The following AGAP1 variants were observed in gnomAD, a reference collection of about 807,000 sequenced individuals.
The protein encoded by AGAP1 is ArfGAP with GTPase domain, ankyrin repeat and PH domain 1, also known as arf-GAP with GTPase, ANK repeat and PH domain-containing protein 1.
In AGAP1, 29 loss-of-function variants were observed where a neutral mutation model predicts 105.3. The ratio of observed to expected loss-of-function variants is 0.28; its 90% confidence interval spans 0.21 to 0.38. The LOEUF (loss-of-function observed/expected upper bound fraction) is 0.38, where lower values mean the gene tolerates loss of function less well. Among genes scored for constraint, AGAP1 ranks in the 10% least tolerant of loss-of-function variants. The pLI, the probability that AGAP1 is intolerant of heterozygous loss-of-function variation, is 1.00. For synonymous variants in AGAP1, 509 were observed against 485.9 expected (o/e 1.05, Z -0.63); for missense variants, 998 against 1,165.1 (o/e 0.86, Z 2.09).
intron 10 of AGAP1, among the ~76,000 whole-genome samples, chr2:235,907,193 G>T (rs1261182641): frequency 6.6e-6 from 1 of 152,204 alleles, no homozygotes; most frequent in Non-Finnish European, 1.5e-5. Context: ...TCTAGAACTT[G>T]ATCCAACTAT....
chr2:235,800,738 T>C (rs1957458524), intron 8 of AGAP1, among the ~76,000 whole-genome samples: 1 of 151,838 alleles, frequency 6.6e-6, no homozygotes, highest in Admixed American at 6.6e-5. Context: ...AGTATGGGAG[T>C]GGGAAGGTAA....
intron 1 of AGAP1, among the ~76,000 whole-genome samples, chr2:235,604,192 A>T (rs1185566754): frequency 6.6e-6 from 1 of 152,120 alleles, no homozygotes; most frequent in African/African-American, 2.4e-5. Flanking sequence ...CAATTGGCAT[A>T]TATAAAAAGA....
chr2:236,122,132 T>C (rs911511297), intron 17 of AGAP1, among the ~76,000 whole-genome samples: 2 of 152,106 alleles, frequency 1.3e-5, no homozygotes, highest in African/African-American at 4.8e-5. Flanking sequence ...TTAAAAAATT[T>C]TGTAGACTTA....
chr2:235,586,425 G>A lies in AGAP1; in HGVS notation c.163+91576G>A, dbSNP rs1192494634. Among the ~76,000 whole-genome samples the A allele has an allele frequency of 2.0e-5, 3 of 152,158 alleles. No homozygotes were observed. Among genetic ancestry groups the A allele is most frequent in the South Asian group, 2.1e-4 (1 of 4,830 alleles). ...GAGGCTGTGACCTCCCCAAATACTC[G>A]GACTCCCCTGTGGAAGGCAAGGTGG... is the stretch of plus-strand genomic sequence containing the variant. On this transcript the variant is annotated intron_variant, in intron 1 of 17. Coordinates refer to ENST00000304032, the MANE Select transcript of AGAP1 (RefSeq NM_001037131.3). The surrounding 1 kb of genome is among the most constrained non-coding windows in gnomAD (Gnocchi z 4.2).
At chr2:235,541,379 T>C (rs1238272191) in intron 1 of AGAP1, among the ~76,000 whole-genome samples, 1 of 65,836 alleles carries the variant, frequency 1.5e-5, no homozygotes, top group African/African-American at 1.3e-4. Context: ...TCTTATTCTT[T>C]TTTTTTTTTT....
rs1384031791 is a variant in AGAP1 at position 235,723,676 on chromosome 2, C to G, written c.310+6032C>G. Among the ~76,000 whole-genome samples the G allele has an allele frequency of 1.3e-5, 2 of 152,176 alleles. No homozygotes were observed. Among genetic ancestry groups the G allele is most frequent in the African/African-American group, 2.4e-5 (1 of 41,452 alleles). ...CTGAAAGCCAGCACCACGCTGAGAT[C>G]GTGGCACACCTGAGGAGGGCAGAAA... On this transcript the variant is annotated intron_variant, in intron 3 of 17. Transcript: ENST00000304032. This position sits in a 1 kb window ranked among gnomAD's most constrained non-coding sequence, Gnocchi z 6.2.
At chr2:235,544,020 C>T (rs138157117) in intron 1 of AGAP1, among the ~76,000 whole-genome samples, 3 of 152,326 alleles carry the variant, frequency 2.0e-5, no homozygotes, top group African/African-American at 7.2e-5. Context: ...TGCCCCATTC[C>T]TCATGTGCTG....
rs1946048594 is a variant in AGAP1, at chr2:235,609,262, G to A, written c.164-99917G>A. 6.6e-6 allele frequency among the ~76,000 whole-genome samples: 1 copy of A among 152,152 alleles called. No individual in the cohort carries two copies. The highest frequency in any genetic ancestry group is 1.5e-5 in the Non-Finnish European group (1 of 68,034). On this transcript the variant is annotated intron_variant, in intron 1 of 17. Coordinates refer to ENST00000304032, the MANE Select transcript of AGAP1 (RefSeq NM_001037131.3). The surrounding 1 kb of genome is among the most constrained non-coding windows in gnomAD (Gnocchi z 5.1). ...ACAAGCTGTGGGAACATAAGGAAAA[G>A]CAGATGTGGCCACTGGTGCTTGGAA...
chr2:236,074,257 G>C (rs2058579853), intron 16 of AGAP1, among the ~76,000 whole-genome samples: 2 of 151,936 alleles, frequency 1.3e-5, no homozygotes, highest in African/African-American at 2.4e-5. Flanking sequence ...CAAGGGAGAG[G>C]CTAAACAAGA....
Position 236,078,792 on chromosome 2 carries a change from T to C in AGAP1, c.2114+29511T>C, listed in dbSNP as rs1392418302. On this transcript the variant is annotated intron_variant, in intron 16 of 17. Coordinates refer to ENST00000304032, the MANE Select transcript of AGAP1 (RefSeq NM_001037131.3). This position sits in a 1 kb window ranked among gnomAD's most constrained non-coding sequence, Gnocchi z 5.3. ...TCCTAAGCTTGAGCCAGACTGGTCG[T>C]TCTGCCAGGTTGGTTGCCCACCCTC... Among the ~76,000 whole-genome samples the C allele has an allele frequency of 6.6e-6, 1 of 152,130 alleles. No individual in the cohort carries two copies. The highest frequency in any genetic ancestry group is 1.5e-5 in the Non-Finnish European group (1 of 68,014).
In AGAP1 at chr2:235,970,921, A is replaced by G. The variant is rs2054617809; in HGVS notation, c.1645+2298A>G. On this transcript the variant is annotated intron_variant, in intron 13 of 17. Coordinates refer to ENST00000304032, the MANE Select transcript of AGAP1 (RefSeq NM_001037131.3). The surrounding 1 kb of genome is among the most constrained non-coding windows in gnomAD (Gnocchi z 5.4). The stretch of plus-strand genomic sequence containing the variant: ...GACACGGGCTCTGTCCAAGCAGCAA[A>G]TGGGGGCCCCTTTCCTTAAAGGGTC... Among the ~76,000 whole-genome samples the G allele has an allele frequency of 6.6e-6, 1 of 152,180 alleles. No individual in the cohort carries two copies. Among genetic ancestry groups the G allele is most frequent in the Non-Finnish European group, 1.5e-5 (1 of 68,034 alleles).
At chr2:236,060,189 C>A (rs1160971007) in intron 16 of AGAP1, among the ~76,000 whole-genome samples, 5 of 152,276 alleles carry the variant, frequency 3.3e-5, no homozygotes, top group South Asian at 2.1e-4. Context: ...CGGGGTAAAT[C>A]TTTGTGACTT....
rs1946091408 is a variant in AGAP1 at position 235,610,546 on chromosome 2, G to T, written c.164-98633G>T. 6.6e-6 allele frequency among the ~76,000 whole-genome samples: 1 copy of T among 152,072 alleles called. No homozygotes were observed. Among genetic ancestry groups the T allele is most frequent in the African/African-American group, 2.4e-5 (1 of 41,402 alleles). On this transcript the variant is annotated intron_variant, in intron 1 of 17. Coordinates refer to ENST00000304032, the MANE Select transcript of AGAP1 (RefSeq NM_001037131.3). This position sits in a 1 kb window ranked among gnomAD's most constrained non-coding sequence, Gnocchi z 4.9. ...TCTAAGGGTGCTAATTCCATCATGA[G>T]GGCCCCATCCTTATGACCTTGTCCA... is the stretch of plus-strand genomic sequence containing the variant.
intron 2 of AGAP1, among the ~76,000 whole-genome samples, chr2:235,710,613 TG>T: frequency 6.6e-6 from 1 of 152,332 alleles, no homozygotes; most frequent in East Asian, 1.9e-4. Flanking sequence ...TCCGCAAGAC[TG>T]GCCTGGAAAG....
chr2:235,684,869 C>A (rs1213876795), intron 1 of AGAP1, among the ~76,000 whole-genome samples: 1 of 152,168 alleles, frequency 6.6e-6, no homozygotes, highest in Non-Finnish European at 1.5e-5. Flanking sequence ...ACACCAGGGC[C>A]TATTTTGGAT....
intron 1 of AGAP1, among the ~76,000 whole-genome samples, chr2:235,619,228 C>A (rs908931567): frequency 1.3e-5 from 2 of 152,208 alleles, no homozygotes; most frequent in Non-Finnish European, 2.9e-5. Flanking sequence ...AGGGAACTCA[C>A]GCAGTAAGGA....
chr2:235,651,980 T>G, intron 1 of AGAP1, among the ~76,000 whole-genome samples: 1 of 152,224 alleles, frequency 6.6e-6, no homozygotes, highest in Admixed American at 6.5e-5. Context: ...TATGAAATTC[T>G]TAGGGTTTGG....
intron 11 of AGAP1, among the ~76,000 whole-genome samples, chr2:235,926,765 G>C (rs1450355315): frequency 6.6e-6 from 1 of 152,216 alleles, no homozygotes; most frequent in Admixed American, 6.5e-5. Flanking sequence ...CAGAGGTCAA[G>C]AGTGAGGTGG....
chr2:235,971,045 G>A lies in AGAP1; in HGVS notation c.1645+2422G>A, dbSNP rs55767321. 0.011 allele frequency among the ~76,000 whole-genome samples: 1,713 copies of A among 152,272 alleles called. 11 individuals carry two copies. The highest frequency in any genetic ancestry group is 0.019 in the Non-Finnish European group (1,306 of 68,026). On this transcript the variant is annotated intron_variant, in intron 13 of 17. Transcript: ENST00000304032. This position sits in a 1 kb window ranked among gnomAD's most constrained non-coding sequence, Gnocchi z 4.8. ...TGTCTCAAACATGGATGTGTAAGCG[G>A]GTGACGTGTGTTTGGAAGTCCAAGG...
Sources: allele counts gnomAD v4.1 joint callset (sites outside exome capture counted in the v4.1 genomes callset), GRCh38; gene constraint gnomAD v4.1.1; non-coding constraint Gnocchi (gnomAD v3.1); transcripts MANE v1.5; gene names NCBI Gene and HGNC (gene_info 2026-07-23, HGNC 2026-07-21).